Variants in CACNA2D2 observed in about 807,000 individuals in gnomAD.
CACNA2D2 encodes the protein calcium voltage-gated channel auxiliary subunit alpha2delta 2, also known as voltage-dependent calcium channel subunit alpha-2/delta-2.
A neutral mutation model predicts 166.4 loss-of-function variants in CACNA2D2; 48 were observed. That is an observed-to-expected ratio of 0.29 (90% confidence interval 0.23 to 0.37). The LOEUF (loss-of-function observed/expected upper bound fraction) is 0.37, where lower values mean the gene tolerates loss of function less well. CACNA2D2 is among the 10% of genes least tolerant of loss of function. The pLI is 1.00. For synonymous variants in CACNA2D2, 561 were observed against 573.7 expected (o/e 0.98, Z 0.32); for missense variants, 1,122 against 1,433.0 (o/e 0.78, Z 3.50).
At chr3:50,453,712 G>A (rs1336987933) in intron 2 of CACNA2D2, among the ~76,000 whole-genome samples, 2 of 152,236 alleles carry the variant, frequency 1.3e-5, no homozygotes, top group Non-Finnish European at 2.9e-5. Context: ...AAGGAAGAGA[G>A]AGGGGCAGGT....
chr3:50,463,128 GACTGAAAC>G (rs951835139), intron 2 of CACNA2D2, among the ~76,000 whole-genome samples: 4 of 152,116 alleles, frequency 2.6e-5, no homozygotes, highest in Non-Finnish European at 4.4e-5. Context: ...AGGCTCCTTA[GACTGAAAC>G]ACTGAATTGG....
intron 2 of CACNA2D2, among the ~76,000 whole-genome samples, chr3:50,457,539 G>A (rs1448388187): frequency 3.3e-5 from 5 of 152,086 alleles, no homozygotes; most frequent in South Asian, 2.1e-4. Flanking sequence ...CCTTGGCTCC[G>A]CAGTCCATCC....
chr3:50,369,830 C>G (rs1704558439), intron 23 of CACNA2D2, among the ~76,000 whole-genome samples: 1 of 152,258 alleles, frequency 6.6e-6, no homozygotes, highest in Admixed American at 6.5e-5. Context: ...CCCCCAACCC[C>G]CCAAGTGAAG....
At chr3:50,410,482 G>T (rs1430525801) in intron 3 of CACNA2D2, among the ~76,000 whole-genome samples, 2 of 93,812 alleles carry the variant, frequency 2.1e-5, no homozygotes, top group Non-Finnish European at 4.4e-5. Context: ...CCCTGGGATG[G>T]GGGGGGGGGT....
At position 50,364,933 on chromosome 3, in the gene CACNA2D2, C is replaced by G. The variant is rs759565256; in HGVS notation, c.3246G>C (p.Pro1082=). The G allele has an allele frequency of 1.9e-6, 3 of 1,613,254 alleles. No homozygotes were observed. The highest frequency in any genetic ancestry group is 1.7e-6 in the Non-Finnish European group (2 of 1,179,880). Residue 1082 remains proline (P), a synonymous_variant, in exon 37 of 38, where the codon CCG becomes CCC. Transcript: ENST00000424201. ...AGATGTGCGGGCCTCTCCGGTATCG[C>G]GGTCTCTGCACTAGCTCACACTGCT... is the stretch of plus-strand genomic sequence containing the variant. ...GPEQCELVQR[P]RYRRGPHICF... is the part of the protein sequence containing the mutation.
intron 2 of CACNA2D2, among the ~76,000 whole-genome samples, chr3:50,470,667 G>A (rs1373185458): frequency 6.6e-6 from 1 of 151,380 alleles, no homozygotes; most frequent in Non-Finnish European, 1.5e-5. Context: ...TCCCCACACA[G>A]TGCTCAAGAG....
intron 3 of CACNA2D2, among the ~76,000 whole-genome samples, chr3:50,408,325 T>C (rs757675948): frequency 6.6e-5 from 10 of 152,216 alleles, no homozygotes; most frequent in Non-Finnish European, 1.3e-4. Flanking sequence ...GCCAGACTCT[T>C]CCAGCTAGGC....
At chr3:50,410,132 C>T (rs1460818012) in intron 3 of CACNA2D2, among the ~76,000 whole-genome samples, 2 of 152,324 alleles carry the variant, frequency 1.3e-5, no homozygotes, top group African/African-American at 4.8e-5. Context: ...GTGCTGGGGA[C>T]ACTGCTGGGG....
chr3:50,464,619 G>C (rs1028065870), intron 2 of CACNA2D2, among the ~76,000 whole-genome samples: 1 of 152,210 alleles, frequency 6.6e-6, no homozygotes, highest in Non-Finnish European at 1.5e-5. Flanking sequence ...CCTAGTCTAA[G>C]AGGAGAAGCG....
intron 1 of CACNA2D2, 71 bp from the exon 2 acceptor site, chr3:50,476,270 C>A: frequency 2.4e-6 from 3 of 1,273,490 alleles, no homozygotes; most frequent in Admixed American, 4.0e-5. Flanking sequence ...CCCAGCCAAC[C>A]CGGGGGCACT....
chr3:50,463,176 C>A (rs1383518227), intron 2 of CACNA2D2, among the ~76,000 whole-genome samples: 1 of 152,194 alleles, frequency 6.6e-6, no homozygotes, highest in African/African-American at 2.4e-5. Flanking sequence ...GGGGTCCCAC[C>A]CCAACACTCC....
At chr3:50,384,899 G>A (rs71326929) in intron 5 of CACNA2D2, among the ~76,000 whole-genome samples, 3,626 of 152,336 alleles carry the variant, frequency 0.024, 69 homozygotes, top group Non-Finnish European at 0.036. Flanking sequence ...GAGCTGGGGA[G>A]GCTAACCTGG....
chr3:50,370,350 T>C lies in CACNA2D2; in HGVS notation c.2015A>G (p.Glu672Gly). 6.4e-7 allele frequency: 1 copy of C among 1,567,992 alleles called. No individual in the cohort carries two copies. Among genetic ancestry groups the C allele is most frequent in the East Asian group, 2.4e-5 (1 of 41,984 alleles). ...YFEFLLPSSFESEGHVFIAPR... is the reference protein window; with the variant it reads ...YFEFLLPSSFGSEGHVFIAPR... ...AGCAATGAAAACGTGTCCTTCAGAC[T>C]CAAAGCTGCTGGGGAGCAGGAACTC... is the stretch of plus-strand genomic sequence containing the variant. Residue 672 changes from glutamate (E) to glycine (G), a missense_variant, in exon 23 of 38, where the codon GAG becomes GGG. Physicochemically the swap from Glu to Gly is moderately conservative, Grantham distance 98 (BLOSUM62 -2). This residue lies in a region of CACNA2D2 where 840 missense variants were observed against 1,166.8 expected (regional missense o/e 0.72). Coordinates refer to ENST00000424201, the MANE Select transcript of CACNA2D2 (RefSeq NM_006030.4).
chr3:50,394,216 C>T, intron 3 of CACNA2D2, 48 bp from the exon 4 acceptor site: 4 of 1,512,046 alleles, frequency 2.6e-6, no homozygotes, highest in Non-Finnish European at 3.7e-6. Context: ...AGGCAGCCTG[C>T]CCTATGCCCA....
intron 3 of CACNA2D2, among the ~76,000 whole-genome samples, chr3:50,413,176 A>G (rs1707105744): frequency 6.7e-6 from 1 of 150,296 alleles, no homozygotes; most frequent in Admixed American, 6.6e-5. Flanking sequence ...TGGTTGGGGT[A>G]GGGGGGTGGT....
chr3:50,366,424 G>C lies in CACNA2D2; in HGVS notation c.2638-86C>G. On this transcript the variant is annotated intron_variant, in intron 30 of 37. Transcript: ENST00000424201. The surrounding 1 kb of genome is among the most constrained non-coding windows in gnomAD (Gnocchi z 5.9). ...AGGCAGTCCAGTGGTTCAGAGTTGG[G>C]GGGCATCACTCCCCCAGTCCTGGGA... 5 of 1,497,788 alleles carry C rather than the reference G, an allele frequency of 3.3e-6. No individual in the cohort carries two copies. The highest frequency in any genetic ancestry group is 4.7e-6 in the Non-Finnish European group (5 of 1,075,006). 92.8% of individuals were successfully genotyped at this position (1,497,788 alleles called of 1,614,324 possible).
rs587676004 is a variant in CACNA2D2, at chr3:50,387,616, G to T, written c.466-4C>A. On this transcript the variant is annotated splice_polypyrimidine_tract_variant and splice_region_variant and intron_variant, in intron 4 of 37. Transcript: ENST00000424201. Reference sequence around the variant, plus strand: ...CATAGTACACGATGTCTTCCTCCTGGTGAGGGGAGAGAGGCCTCAGCACTA... The same window carrying T: ...CATAGTACACGATGTCTTCCTCCTGTTGAGGGGAGAGAGGCCTCAGCACTA... 2 of 1,612,022 alleles carry T rather than the reference G, an allele frequency of 1.2e-6. No homozygotes were observed. The highest frequency in any genetic ancestry group is 2.2e-5 in the East Asian group (1 of 44,858).
At position 50,382,931 on chromosome 3, in the gene CACNA2D2, C is replaced by T. The variant is rs370536128; in HGVS notation, c.652+1265G>A. On this transcript the variant is annotated intron_variant, in intron 6 of 37. Transcript: ENST00000424201. ...AGGCACACTCGCGCAAACACCCCTG[C>T]GCCCGCCTGGAAAGGGCCTGCTACT... 4.6e-5 allele frequency among the ~76,000 whole-genome samples: 7 copies of T among 152,330 alleles called. No homozygotes were observed. The East Asian group carries it at 7.7e-4, about 17-fold the overall frequency.
At chr3:50,412,965 T>C (rs1037764731) in intron 3 of CACNA2D2, among the ~76,000 whole-genome samples, 1 of 152,196 alleles carries the variant, frequency 6.6e-6, no homozygotes, top group Admixed American at 6.5e-5. Context: ...GGCCCAGGAC[T>C]TGGGACAGGG....
Sources: gnomAD v4.1 joint callset for allele counts (sites outside exome capture counted in the v4.1 genomes callset) on GRCh38, gnomAD v4.1.1 for gene constraint, gnomAD v4.1.1 regional missense constraint, Gnocchi (gnomAD v3.1) non-coding constraint, MANE v1.5 for transcripts, NCBI Gene and HGNC (gene_info 2026-07-23, HGNC 2026-07-21) for gene names.